NME7: variants seen among roughly 807,000 people sequenced by gnomAD.
The protein encoded by NME7 is nucleoside diphosphate kinase 7.
In NME7, 41 loss-of-function variants were observed where a neutral mutation model predicts 49.1. The observed-to-expected ratio is 0.83, with a 90% CI of 0.65 to 1.08. The LOEUF (loss-of-function observed/expected upper bound fraction) is 1.08. Ranked by LOEUF, NME7 falls within the 50% of genes least tolerant of loss-of-function variation. The pLI, the probability that NME7 is intolerant of heterozygous loss-of-function variation, is 0.00. For missense variants in NME7, 423 were observed against 463.4 expected (o/e 0.91, Z 0.80); for synonymous variants, 139 against 150.6 (o/e 0.92, Z 0.56).
chr1:169,312,280 C>T (rs1651423367), intron 3 of NME7, among the ~76,000 whole-genome samples: 1 of 152,142 alleles, frequency 6.6e-6, no homozygotes, highest in Admixed American at 6.5e-5. Context: ...CACACATCAA[C>T]CAATGTACAG....
At chr1:169,201,913 G>C (rs1400100016) in intron 10 of NME7, among the ~76,000 whole-genome samples, 1 of 152,096 alleles carries the variant, frequency 6.6e-6, no homozygotes, top group South Asian at 2.1e-4. Flanking sequence ...CAAAGTTCAG[G>C]TTGAAAACAG....
Position 169,366,120 on chromosome 1 carries a change from A to C in NME7, c.3+1588T>G, listed in dbSNP as rs1557842382. On this transcript the variant is annotated intron_variant, in intron 1 of 11. Coordinates refer to ENST00000367811, the MANE Select transcript of NME7 (RefSeq NM_013330.5). ...TCCATGTGAGTGGACAAAATCACCC[A>C]AGGAAAATGTCTAGACTAAGAAATG... Among the ~76,000 whole-genome samples, 3 of 152,236 alleles carry C rather than the reference A, an allele frequency of 2.0e-5. No homozygotes were observed. The South Asian group carries it at 6.2e-4, about 32-fold the overall frequency.
intron 11 of NME7, among the ~76,000 whole-genome samples, chr1:169,146,618 A>G (rs2179491): frequency 0.28 from 42,908 of 152,086 alleles, 6,529 homozygotes; most frequent in Non-Finnish European, 0.34. Context: ...ATTAAACCCA[A>G]TGACCTTTTA....
At chr1:169,138,172 G>A (rs764212684) in intron 11 of NME7, among the ~76,000 whole-genome samples, 2 of 152,040 alleles carry the variant, frequency 1.3e-5, no homozygotes, top group Non-Finnish European at 1.5e-5. Flanking sequence ...TTAGCTGTGC[G>A]TGGTACTGCA....
intron 3 of NME7, among the ~76,000 whole-genome samples, chr1:169,320,271 A>G (rs1026251257): frequency 2.6e-5 from 4 of 152,226 alleles, no homozygotes; most frequent in African/African-American, 9.6e-5. Flanking sequence ...ATCTTTATAA[A>G]GAGAGGATAA....
chr1:169,189,370 T>C (rs536041390), intron 10 of NME7, among the ~76,000 whole-genome samples: 1 of 152,308 alleles, frequency 6.6e-6, no homozygotes, highest in African/African-American at 2.4e-5. Flanking sequence ...AATTTGCTAT[T>C]TAAACTTATA....
At chr1:169,307,836 A>G (rs1236647895) in intron 4 of NME7, among the ~76,000 whole-genome samples, 1 of 152,128 alleles carries the variant, frequency 6.6e-6, no homozygotes, top group Non-Finnish European at 1.5e-5. Flanking sequence ...CTTGGCCAAC[A>G]TGGCGAAACT....
At chr1:169,308,398 C>A (rs1232389164) in intron 4 of NME7, among the ~76,000 whole-genome samples, 1 of 152,078 alleles carries the variant, frequency 6.6e-6, no homozygotes, top group Non-Finnish European at 1.5e-5. Flanking sequence ...AGATATCTGA[C>A]CAAAAACAAA....
At chr1:169,261,393 G>A (rs75684590) in intron 7 of NME7, among the ~76,000 whole-genome samples, 3,336 of 133,576 alleles carry the variant, frequency 0.025, 828 homozygotes, top group Non-Finnish European at 0.04. Flanking sequence ...AAGATTTACC[G>A]TTATTTTCAT....
At position 169,136,758 on chromosome 1, in the gene NME7, T is replaced by G. The variant is rs1658446107; in HGVS notation, c.1099-3941A>C. Among the ~76,000 whole-genome samples the G allele has an allele frequency of 5.3e-5, 8 of 152,352 alleles. No homozygotes were observed. In the South Asian group the frequency reaches 1.7e-3, roughly 32 times the overall value. On this transcript the variant is annotated intron_variant, in intron 11 of 11. Coordinates refer to ENST00000367811, the MANE Select transcript of NME7 (RefSeq NM_013330.5). ...TTTAAATAAGAACAATAGCTTACAT[T>G]TATTTACTACTTTATAGTGCATAGT... is the stretch of plus-strand genomic sequence containing the variant.
In NME7 at chr1:169,234,609, C is replaced by T. The variant is rs563517306; in HGVS notation, c.888+522G>A. 8.5e-5 allele frequency among the ~76,000 whole-genome samples: 13 copies of T among 152,088 alleles called. 1 individual carries two copies. The South Asian group carries it at 2.7e-3, about 32-fold the overall frequency. On this transcript the variant is annotated intron_variant, in intron 9 of 11. Transcript: ENST00000367811. ...AACAATCTCATAAGGTAGGTAATAGCATTATTCCCATTTTATAAATGGGTT... is the reference window on the plus strand; with the variant it reads ...AACAATCTCATAAGGTAGGTAATAGTATTATTCCCATTTTATAAATGGGTT...
intron 7 of NME7, among the ~76,000 whole-genome samples, chr1:169,254,330 G>A (rs972652781): frequency 9.2e-5 from 14 of 151,984 alleles, no homozygotes; most frequent in African/African-American, 3.1e-4. Flanking sequence ...ATTTCTTCTC[G>A]ATTTTCTAGT....
intron 11 of NME7, among the ~76,000 whole-genome samples, chr1:169,154,977 A>T (rs910550714): frequency 3.9e-5 from 6 of 151,938 alleles, no homozygotes; most frequent in African/African-American, 1.5e-4. Flanking sequence ...AATTTAAAAA[A>T]ATTTTTTTTT....
At chr1:169,149,063 G>T (rs1454006151) in intron 11 of NME7, among the ~76,000 whole-genome samples, 2 of 152,148 alleles carry the variant, frequency 1.3e-5, no homozygotes, top group Non-Finnish European at 2.9e-5. Flanking sequence ...TATTTAACTT[G>T]CAGGGCGCAG....
chr1:169,308,601 G>A (rs1361130198), intron 4 of NME7, among the ~76,000 whole-genome samples: 1 of 152,002 alleles, frequency 6.6e-6, no homozygotes, highest in South Asian at 2.1e-4. Context: ...TGTCCATTTG[G>A]TAGGAAATTT....
chr1:169,283,232 G>C (rs796746110), intron 7 of NME7, among the ~76,000 whole-genome samples: 1 of 151,988 alleles, frequency 6.6e-6, no homozygotes, highest in East Asian at 1.9e-4. Context: ...ATCTTTGTTG[G>C]TTTAAAGTCT....
At chr1:169,169,305 T>C (rs1659509568) in intron 11 of NME7, 142 bp downstream of exon 11, 1 of 657,566 alleles carries the variant, frequency 1.5e-6, no homozygotes, top group South Asian at 1.8e-5. Context: ...TGTATACCTA[T>C]GTAACAAAAC....
At chr1:169,237,075 T>G (rs1647885682) in intron 8 of NME7, among the ~76,000 whole-genome samples, 2 of 152,030 alleles carry the variant, frequency 1.3e-5, no homozygotes, top group Admixed American at 1.3e-4. Context: ...TAGGAGTGTA[T>G]GAACAACGCA....
chr1:169,347,480 G>A (rs1313910468), intron 1 of NME7, among the ~76,000 whole-genome samples: 2 of 152,142 alleles, frequency 1.3e-5, no homozygotes, highest in African/African-American at 4.8e-5. Context: ...AGAGTATGAG[G>A]AGAAGATACA....
Sources: gnomAD v4.1 joint callset for allele counts (sites outside exome capture counted in the v4.1 genomes callset) on GRCh38, gnomAD v4.1.1 for gene constraint, MANE v1.5 for transcripts, NCBI Gene and HGNC (gene_info 2026-07-23, HGNC 2026-07-21) for gene names.